ZNF438: variants seen among roughly 807,000 people sequenced by gnomAD.
The protein encoded by ZNF438 is zinc finger protein 438.
ZNF438 carries 25 observed loss-of-function variants against 38.0 expected under a neutral mutation model. The observed-to-expected ratio is 0.66, with a 90% CI of 0.48 to 0.92. The LOEUF (loss-of-function observed/expected upper bound fraction) is 0.92, where lower values mean the gene tolerates loss of function less well. Among genes scored for constraint, ZNF438 ranks in the 40% least tolerant of loss-of-function variants. ZNF438 has a pLI of 0.00. For synonymous variants in ZNF438, 372 were observed against 364.1 expected (o/e 1.02, Z -0.25); for missense variants, 1,007 against 999.6 (o/e 1.01, Z -0.10).
rs532648634 is a variant in ZNF438, at chr10:30,912,350, T to C, written c.-114-3335A>G. Among the ~76,000 whole-genome samples the C allele has an allele frequency of 4.6e-5, 7 of 152,188 alleles. No homozygotes were observed. The South Asian group carries it at 1.5e-3, about 32-fold the overall frequency. On this transcript the variant is annotated intron_variant, in intron 2 of 5. Transcript: ENST00000413025. Reference sequence around the variant, plus strand: ...ACCATTGTTCATTATCTCCTTAACATCCCCTTTCTCTTCTTTTATATCAAC... The same window carrying C: ...ACCATTGTTCATTATCTCCTTAACACCCCCTTTCTCTTCTTTTATATCAAC...
intron 3 of ZNF438, among the ~76,000 whole-genome samples, chr10:30,887,047 C>T (rs1486877947): frequency 2.0e-5 from 3 of 152,138 alleles, no homozygotes; most frequent in Non-Finnish European, 4.4e-5. Context: ...CCCCTGTGAG[C>T]GTGTCTTTCA....
rs2049105308 is a variant in ZNF438, at chr10:30,958,443, C to A, written c.-191-16792G>T. Among the ~76,000 whole-genome samples the A allele has an allele frequency of 1.4e-5, 2 of 146,934 alleles. 1 individual carries two copies. The highest frequency in any genetic ancestry group is 3.1e-5 in the Non-Finnish European group (2 of 64,754). The stretch of plus-strand genomic sequence containing the variant: ...AGATGTCTTCTTAGAGAGCTTAGAG[C>A]AAAATCCATGATCCACCTCAAGCAA... On this transcript the variant is annotated intron_variant, in intron 1 of 5. Coordinates refer to ENST00000413025, the Ensembl canonical transcript of ZNF438.
chr10:30,941,376 C>T (rs1440147940), intron 2 of ZNF438, among the ~76,000 whole-genome samples, 199 bp downstream of exon 3: 3 of 152,124 alleles, frequency 2.0e-5, no homozygotes, highest in African/African-American at 4.8e-5. Flanking sequence ...CTGGCCAGAA[C>T]ATTTTATTTT....
In ZNF438 at chr10:30,958,198, T is replaced by C. The variant is rs2049080362; in HGVS notation, c.-191-16547A>G. Among the ~76,000 whole-genome samples the C allele has an allele frequency of 1.4e-5, 2 of 146,676 alleles. 1 individual carries two copies. The highest frequency in any genetic ancestry group is 4.9e-5 in the African/African-American group (2 of 41,072). On this transcript the variant is annotated intron_variant, in intron 1 of 5. Coordinates refer to ENST00000413025, the Ensembl canonical transcript of ZNF438. ...GCTGTATTTATCAATGTGCCTTTGA[T>C]GTTAGGCTACCAGACTGTATAGAAA...
intron 5 of ZNF438, 52 bp from the exon 7 acceptor site, chr10:30,845,625 G>GA: frequency 6.4e-7 from 1 of 1,559,564 alleles, no homozygotes; most frequent in Non-Finnish European, 8.6e-7. Context: ...AATGCAATTG[G>GA]AATCTTTCCT....
chr10:31,009,166 C>T (rs2055421291), intron 1 of ZNF438, among the ~76,000 whole-genome samples: 1 of 152,108 alleles, frequency 6.6e-6, no homozygotes, highest in African/African-American at 2.4e-5. Flanking sequence ...AGTCCGTTAT[C>T]AGATATATAA....
At chr10:31,007,276 GTTTTTTTTTTTTTT>G (rs60434764) in intron 1 of ZNF438, among the ~76,000 whole-genome samples, 1 of 112,388 alleles carries the variant, frequency 8.9e-6, no homozygotes, top group Non-Finnish European at 1.8e-5. Flanking sequence ...TTTTTTTGGT[GTTTTTTTTTTTTTT>G]TTTTTTTTGG....
At chr10:30,981,967 C>A (rs1380027614) in intron 1 of ZNF438, among the ~76,000 whole-genome samples, 2 of 151,756 alleles carry the variant, frequency 1.3e-5, no homozygotes, top group African/African-American at 4.8e-5. Flanking sequence ...GTAAGCATGT[C>A]CCTAAAAACA....
At chr10:30,987,668 A>ATC (rs59613762) in intron 1 of ZNF438, among the ~76,000 whole-genome samples, 15,563 of 151,228 alleles carry the variant, frequency 0.1, 824 homozygotes, top group African/African-American at 0.12. Context: ...AAAGAAACAG[A>ATC]TCTCTCTCTC....
At chr10:30,920,806 T>C (rs2044209816) in intron 2 of ZNF438, 1 of 152,150 alleles carries the variant, frequency 6.6e-6, no homozygotes, top group Non-Finnish European at 1.5e-5. Flanking sequence ...AGTAGAAAAC[T>C]TGGTTTAGAT....
intron 1 of ZNF438, among the ~76,000 whole-genome samples, chr10:30,970,300 T>C (rs1213338844): frequency 6.6e-6 from 1 of 152,196 alleles, no homozygotes; most frequent in Non-Finnish European, 1.5e-5. Context: ...GTCTTTGGTA[T>C]AGAGGTGAAC....
At chr10:30,899,536 T>C (rs2041747803) in intron 3 of ZNF438, among the ~76,000 whole-genome samples, 1 of 152,194 alleles carries the variant, frequency 6.6e-6, no homozygotes, top group South Asian at 2.1e-4. Context: ...ACTATACTCT[T>C]AAGGTACATT....
intron 1 of ZNF438, among the ~76,000 whole-genome samples, chr10:30,951,296 T>C (rs2048162546): frequency 6.7e-6 from 1 of 149,830 alleles, no homozygotes; most frequent in Admixed American, 6.7e-5. Flanking sequence ...AATATCATAC[T>C]GAATGGGCAA....
chr10:31,027,926 C>T (rs867178522), intron 1 of ZNF438, among the ~76,000 whole-genome samples: 6 of 151,990 alleles, frequency 3.9e-5, no homozygotes, highest in African/African-American at 1.5e-4. Flanking sequence ...TTATATAATT[C>T]TTACATGGTT....
chr10:30,981,280 C>T (rs1239784470), intron 1 of ZNF438, among the ~76,000 whole-genome samples: 1 of 152,144 alleles, frequency 6.6e-6, no homozygotes, highest in African/African-American at 2.4e-5. Context: ...AGGCTGCTCA[C>T]CCCAGGAGAA....
chr10:30,868,930 T>A (rs1329018230), intron 4 of ZNF438, among the ~76,000 whole-genome samples: 10 of 152,214 alleles, frequency 6.6e-5, no homozygotes, highest in Non-Finnish European at 4.4e-5. Context: ...GCAGCAGGGG[T>A]TCTGACAAAG....
In ZNF438 at chr10:30,960,646, T is replaced by C. The variant is rs1240339778; in HGVS notation, c.-191-18995A>G. ...CTTATCCTATGCCACGGCCACGTTG[T>C]CCTGAATACTGTCACCTTAGATTGA... On this transcript the variant is annotated intron_variant, in intron 1 of 5. Transcript: ENST00000413025. Among the ~76,000 whole-genome samples, 4 of 146,862 alleles carry C rather than the reference T, an allele frequency of 2.7e-5. 1 individual carries two copies. The highest frequency in any genetic ancestry group is 1.4e-4 in the Admixed American group (2 of 14,534).
intron 2 of ZNF438, among the ~76,000 whole-genome samples, chr10:30,937,148 C>T (rs370858905): frequency 2.6e-5 from 4 of 152,236 alleles, no homozygotes; most frequent in Admixed American, 1.3e-4. Flanking sequence ...GGCAGGGGTG[C>T]TAATGGATTG....
chr10:30,916,622 T>C (rs2043667775), intron 2 of ZNF438, among the ~76,000 whole-genome samples: 2 of 152,076 alleles, frequency 1.3e-5, no homozygotes, highest in Admixed American at 1.3e-4. Context: ...TTATATTGGT[T>C]GGAATCATAT....
Sources: allele counts gnomAD v4.1 joint callset (sites outside exome capture counted in the v4.1 genomes callset), GRCh38; gene constraint gnomAD v4.1.1; transcripts MANE v1.5; gene names NCBI Gene and HGNC (gene_info 2026-07-23, HGNC 2026-07-21).